NGEF: variants seen among roughly 807,000 people sequenced by gnomAD.
The protein encoded by NGEF is neuronal guanine nucleotide exchange factor, also known as ephexin-1.
A neutral mutation model predicts 80.9 loss-of-function variants in NGEF; 31 were observed. The observed-to-expected ratio is 0.38, with a 90% CI of 0.29 to 0.52. The LOEUF (loss-of-function observed/expected upper bound fraction) is 0.52, where lower values mean the gene tolerates loss of function less well. Among genes scored for constraint, NGEF ranks in the 20% least tolerant of loss-of-function variants. NGEF has a pLI of 0.84. For synonymous variants in NGEF, 371 were observed against 370.2 expected, an observed-to-expected ratio of 1.00 and a Z score of -0.03; for missense variants, 709 against 926.2, an observed-to-expected ratio of 0.77 and a Z score of 3.04.
chr2:232,926,337 GATT>G (rs1184084132), intron 4 of NGEF, among the ~76,000 whole-genome samples: 1 of 92,878 alleles, frequency 1.1e-5, no homozygotes, highest in East Asian at 2.6e-4. Flanking sequence ...TGTCACTAGC[GATT>G]TTTTTTTTTT....
intron 3 of NGEF, among the ~76,000 whole-genome samples, chr2:232,946,550 T>A (rs1423077730): frequency 6.6e-6 from 1 of 152,198 alleles, no homozygotes; most frequent in South Asian, 2.1e-4. Context: ...ATGGGCACAA[T>A]TTCCTAGCTC....
At chr2:232,899,857 C>T (rs1692235744) in intron 5 of NGEF, among the ~76,000 whole-genome samples, 1 of 150,156 alleles carries the variant, frequency 6.7e-6, no homozygotes, top group East Asian at 2.0e-4. Flanking sequence ...CACACACACG[C>T]TCTCACAGTC....
chr2:232,964,886 G>T (rs1694025032), intron 3 of NGEF, among the ~76,000 whole-genome samples: 1 of 152,184 alleles, frequency 6.6e-6, no homozygotes, highest in Non-Finnish European at 1.5e-5. Flanking sequence ...GTTGGATATT[G>T]ACTTGAAAAC....
At chr2:232,907,535 A>G (rs1190746789) in intron 5 of NGEF, among the ~76,000 whole-genome samples, 1 of 152,230 alleles carries the variant, frequency 6.6e-6, no homozygotes, top group Non-Finnish European at 1.5e-5. Flanking sequence ...ACATAAAAAG[A>G]CGATAAAAAA....
At chr2:232,928,246 CGGCGGGGCGGG>C in intron 3 of NGEF, 1 of 828,400 alleles carries the variant, frequency 1.2e-6, no homozygotes, top group Non-Finnish European at 1.4e-6. Context: ...GGCCGGGCGG[CGGCGGGGCGGG>C]GGCGCCCGGG....
chr2:232,935,761 A>G (rs1408570595), intron 3 of NGEF, among the ~76,000 whole-genome samples: 1 of 152,234 alleles, frequency 6.6e-6, no homozygotes, highest in Non-Finnish European at 1.5e-5. Context: ...GTCACATGGT[A>G]TGTCACCAGA....
chr2:232,888,224 A>G (rs1302806041), intron 8 of NGEF, 117 bp from the exon 9 acceptor site: 2 of 514,122 alleles, frequency 3.9e-6, no homozygotes, highest in Admixed American at 3.6e-5. Flanking sequence ...TGCAGCATGC[A>G]CACACACACA....
chr2:232,993,124 A>T (rs1265691253), intron 1 of NGEF, among the ~76,000 whole-genome samples: 40 of 114,274 alleles, frequency 3.5e-4, no homozygotes, highest in African/African-American at 7.9e-4. Flanking sequence ...TATATAAATA[A>T]ATATATATTT....
intron 5 of NGEF, chr2:232,905,518 C>G (rs541432646): frequency 1.4e-5 from 4 of 285,288 alleles, no homozygotes; most frequent in Non-Finnish European, 2.8e-5. Context: ...TCTGCCGGTC[C>G]GCCACCCCGT....
At chr2:232,962,266 G>A (rs1009588387) in intron 3 of NGEF, among the ~76,000 whole-genome samples, 5 of 152,256 alleles carry the variant, frequency 3.3e-5, no homozygotes, top group Admixed American at 6.5e-5. Flanking sequence ...GCTGGGTGCA[G>A]TGGCTCATGC....
At chr2:232,978,125 C>T (rs1694335030) in intron 1 of NGEF, among the ~76,000 whole-genome samples, 1 of 151,656 alleles carries the variant, frequency 6.6e-6, no homozygotes, top group Admixed American at 6.6e-5. Flanking sequence ...CAAGGGGACC[C>T]CCGGGGCCTC....
intron 1 of NGEF, among the ~76,000 whole-genome samples, chr2:232,992,279 G>A (rs1443775727): frequency 1.3e-5 from 2 of 152,008 alleles, no homozygotes; most frequent in Non-Finnish European, 2.9e-5. Flanking sequence ...TCTTGGCTGG[G>A]CATGGTGGTA....
chr2:232,885,400 C>A (rs1273693338), intron 9 of NGEF, 31 bp from the exon 10 acceptor site: 1 of 1,595,092 alleles, frequency 6.3e-7, no homozygotes, highest in Admixed American at 1.7e-5. Context: ...CATCAGGCCA[C>A]CAAAGCCGGC....
intron 3 of NGEF, among the ~76,000 whole-genome samples, chr2:232,953,029 C>T (rs755195894): frequency 1.9e-4 from 27 of 145,510 alleles, no homozygotes; most frequent in Non-Finnish European, 3.1e-4. Context: ...TGGGGCCAGG[C>T]GCAGTGGCTC....
intron 5 of NGEF, among the ~76,000 whole-genome samples, chr2:232,913,745 C>G (rs1692736799): frequency 6.6e-6 from 1 of 151,962 alleles, no homozygotes; most frequent in Non-Finnish European, 1.5e-5. Context: ...ACAGTGAAAC[C>G]ATGTCTCCAC....
intron 1 of NGEF, among the ~76,000 whole-genome samples, chr2:233,005,277 G>A (rs982937086): frequency 2.0e-5 from 3 of 152,322 alleles, no homozygotes; most frequent in Admixed American, 6.5e-5. Context: ...AGGTCGCTCC[G>A]CAGATGTGTT....
intron 1 of NGEF, among the ~76,000 whole-genome samples, chr2:232,983,997 G>T (rs1324897325): frequency 6.6e-6 from 1 of 152,196 alleles, no homozygotes; most frequent in Admixed American, 6.5e-5. Context: ...GTGGGAAGTG[G>T]ATTAGAAACT....
chr2:232,932,117 T>C (rs1693225614), intron 3 of NGEF, among the ~76,000 whole-genome samples: 2 of 151,666 alleles, frequency 1.3e-5, no homozygotes, highest in South Asian at 4.2e-4. Context: ...AAGTGTTCTC[T>C]ACAGCTCCCC....
intron 5 of NGEF, among the ~76,000 whole-genome samples, chr2:232,915,299 C>T (rs1180704390): frequency 6.6e-6 from 1 of 152,160 alleles, no homozygotes; most frequent in Admixed American, 6.5e-5. Flanking sequence ...AAGACTTTTG[C>T]ATAGTATCTT....
Sources: gnomAD v4.1 joint callset for allele counts (sites outside exome capture counted in the v4.1 genomes callset) on GRCh38, gnomAD v4.1.1 for gene constraint, MANE v1.5 for transcripts, NCBI Gene and HGNC (gene_info 2026-07-23, HGNC 2026-07-21) for gene names.